RBFOX1: variants seen among roughly 807,000 people sequenced by gnomAD.
RBFOX1 encodes the protein RNA binding fox-1 homolog 1.
RBFOX1 carries 8 observed loss-of-function variants against 57.7 expected under a neutral mutation model. The observed-to-expected ratio is 0.14, with a 90% CI of 0.08 to 0.25. The LOEUF (loss-of-function observed/expected upper bound fraction) is 0.25, where lower values mean the gene tolerates loss of function less well. RBFOX1 is among the 10% of genes least tolerant of loss of function. The pLI is 1.00. For missense variants in RBFOX1, 611 were observed against 548.5 expected (o/e 1.11, Z -1.14); for synonymous variants, 326 against 222.4 (o/e 1.47, Z -4.15).
chr16:6,683,453 G>T (rs2058968262), intron 3 of RBFOX1, among the ~76,000 whole-genome samples: 1 of 152,046 alleles, frequency 6.6e-6, no homozygotes, highest in South Asian at 2.1e-4. Context: ...TCTTTCAAAT[G>T]GTTTAGGAGA....
intron 4 of RBFOX1, among the ~76,000 whole-genome samples, chr16:7,190,509 T>C (rs1567638158): frequency 6.6e-6 from 1 of 152,046 alleles, no homozygotes; most frequent in Non-Finnish European, 1.5e-5. Flanking sequence ...TTTTCTTTCC[T>C]GAGTGATACT....
At chr16:7,484,297 G>C (rs2064808123) in intron 4 of RBFOX1, among the ~76,000 whole-genome samples, 1 of 152,150 alleles carries the variant, frequency 6.6e-6, no homozygotes, top group South Asian at 2.1e-4. Context: ...TGGAATTTGA[G>C]TACATGTCTT....
At chr16:7,347,920 T>C (rs2097049049) in intron 4 of RBFOX1, among the ~76,000 whole-genome samples, 2 of 152,182 alleles carry the variant, frequency 1.3e-5, no homozygotes, top group South Asian at 4.1e-4. Flanking sequence ...CCCTATCCTG[T>C]GGCTGACACT....
chr16:6,766,520 C>T (rs182285168), intron 3 of RBFOX1, among the ~76,000 whole-genome samples: 4 of 151,990 alleles, frequency 2.6e-5, no homozygotes, highest in Non-Finnish European at 4.4e-5. Flanking sequence ...CGGAATAGCA[C>T]TGTCCAATAG....
At chr16:5,296,281 C>T (rs555948537) in intron 1 of RBFOX1, among the ~76,000 whole-genome samples, 6 of 151,928 alleles carry the variant, frequency 3.9e-5, no homozygotes, top group East Asian at 1.9e-4. Flanking sequence ...GACTATGTTT[C>T]GGGTGGCCTC....
At chr16:5,916,469 C>T (rs372053948) in intron 4 of RBFOX1, among the ~76,000 whole-genome samples, 3 of 152,092 alleles carry the variant, frequency 2.0e-5, no homozygotes, top group African/African-American at 7.2e-5. Flanking sequence ...CTCTGCTTGA[C>T]CATTGCTTCC....
chr16:7,371,649 C>G (rs1163535950), intron 4 of RBFOX1, among the ~76,000 whole-genome samples: 1 of 152,166 alleles, frequency 6.6e-6, no homozygotes, highest in African/African-American at 2.4e-5. Context: ...ACTCAGGATA[C>G]TGAGGCAGGA....
chr16:5,388,705 G>A (rs1281488232), intron 1 of RBFOX1, among the ~76,000 whole-genome samples: 1 of 151,914 alleles, frequency 6.6e-6, no homozygotes, highest in African/African-American at 2.4e-5. Context: ...CTTCTGAGTA[G>A]CTGGGACTAC....
At chr16:6,548,214 A>G (rs780255847) in intron 2 of RBFOX1, among the ~76,000 whole-genome samples, 3 of 152,156 alleles carry the variant, frequency 2.0e-5, no homozygotes, top group Non-Finnish European at 4.4e-5. Context: ...TATAATCTCC[A>G]TCAGTCTTGT....
At chr16:7,073,596 C>A (rs2057760842) in intron 4 of RBFOX1, among the ~76,000 whole-genome samples, 1 of 152,040 alleles carries the variant, frequency 6.6e-6, no homozygotes, top group African/African-American at 2.4e-5. Flanking sequence ...TAATCCCAGC[C>A]CCTTTGGGAG....
intron 3 of RBFOX1, among the ~76,000 whole-genome samples, chr16:6,991,136 CAAAAAAAAAA>C (rs35889519): frequency 0.024 from 1,269 of 53,126 alleles, 46 homozygotes; most frequent in African/African-American, 0.079. Context: ...ATTGTCTCTC[CAAAAAAAAAA>C]AAAAAAAAAA....
intron 4 of RBFOX1, among the ~76,000 whole-genome samples, chr16:7,266,497 G>C (rs1373102617): frequency 6.6e-6 from 1 of 152,166 alleles, no homozygotes; most frequent in Non-Finnish European, 1.5e-5. Flanking sequence ...AAATTACTCA[G>C]TCTCTGGTAT....
intron 4 of RBFOX1, among the ~76,000 whole-genome samples, chr16:7,063,225 A>G (rs2055029788): frequency 6.6e-6 from 1 of 152,092 alleles, no homozygotes; most frequent in Non-Finnish European, 1.5e-5. Context: ...AAGAGCAGGT[A>G]GGCACAGGAA....
chr16:6,565,466 C>A (rs921490433), intron 2 of RBFOX1, among the ~76,000 whole-genome samples: 7 of 151,330 alleles, frequency 4.6e-5, no homozygotes, highest in African/African-American at 1.5e-4. Flanking sequence ...ACCATGTTAG[C>A]CAGGATGGTC....
chr16:5,629,003 C>G (rs992607126), intron 3 of RBFOX1, among the ~76,000 whole-genome samples: 2 of 152,170 alleles, frequency 1.3e-5, no homozygotes, highest in Non-Finnish European at 2.9e-5. Context: ...GATTAAATGT[C>G]TTTCTAATGA....
intron 5 of RBFOX1, among the ~76,000 whole-genome samples, chr16:7,541,116 C>T (rs1020540783): frequency 2.4e-4 from 36 of 152,332 alleles, no homozygotes; most frequent in African/African-American, 7.9e-4. Context: ...CGCTGCTTTT[C>T]GCCCCTGACT....
intron 4 of RBFOX1, among the ~76,000 whole-genome samples, chr16:7,161,635 T>C (rs987309840): frequency 3.9e-5 from 6 of 152,158 alleles, no homozygotes; most frequent in Non-Finnish European, 8.8e-5. Context: ...CAGGGAGCTT[T>C]CTATGGAGGT....
chr16:5,948,258 C>CA (rs140461125), intron 4 of RBFOX1, among the ~76,000 whole-genome samples: 110 of 152,240 alleles, frequency 7.2e-4, no homozygotes, highest in African/African-American at 2.5e-3. Flanking sequence ...CTATGGAAGG[C>CA]TTTGCTGCTG....
intron 11 of RBFOX1, among the ~76,000 whole-genome samples, chr16:7,650,831 G>C (rs2064891054): frequency 6.6e-6 from 1 of 152,164 alleles, no homozygotes; most frequent in South Asian, 2.1e-4. Context: ...ACTGTGGCAA[G>C]ACAGATTTGG....
Sources: allele counts gnomAD v4.1 joint callset (sites outside exome capture counted in the v4.1 genomes callset), GRCh38; gene constraint gnomAD v4.1.1; transcripts MANE v1.5; gene names NCBI Gene and HGNC (gene_info 2026-07-23, HGNC 2026-07-21).